RAB27B: variants seen among roughly 807,000 people sequenced by gnomAD.
RAB27B encodes the protein ras-related protein Rab-27B.
In RAB27B, 15 loss-of-function variants were observed where a neutral mutation model predicts 24.6. That is an observed-to-expected ratio of 0.61 (90% CI 0.41 to 0.94). RAB27B has a LOEUF of 0.94. Ranked by LOEUF, RAB27B falls within the 40% of genes least tolerant of loss-of-function variation. RAB27B has a pLI of 0.00. For missense variants in RAB27B, 261 were observed against 266.8 expected (o/e 0.98, Z 0.15); for synonymous variants, 105 against 92.5 (o/e 1.14, Z -0.78).
rs148619742 is a variant in RAB27B, at chr18:54,846,785, A to T, written c.-20+18085A>T. On this transcript the variant is annotated intron_variant, in intron 1 of 5. Transcript: ENST00000262094. ...AGTAACTTTATGCCACAAAGCACAT[A>T]ATGGCAATGTTTCTCATTGTAGTTT... 1.3e-4 allele frequency among the ~76,000 whole-genome samples: 20 copies of T among 152,312 alleles called. No individual in the cohort carries two copies. In the East Asian group the frequency reaches 3.9e-3, roughly 29 times the overall value.
At chr18:54,769,982 C>T (rs1908491125) in intron 2 of RAB27B, among the ~76,000 whole-genome samples, 2 of 152,154 alleles carry the variant, frequency 1.3e-5, no homozygotes, top group Non-Finnish European at 2.9e-5. Flanking sequence ...ATTCTCCTGC[C>T]TCAGCCTCCT....
At chr18:54,737,641 AAG>A (rs1909937795) in intron 2 of RAB27B, among the ~76,000 whole-genome samples, 1 of 152,192 alleles carries the variant, frequency 6.6e-6, no homozygotes, top group African/African-American at 2.4e-5. Flanking sequence ...GTGCCTGGCA[AAG>A]AGAGATGCTC....
chr18:54,748,611 T>C (rs1910330056), intron 2 of RAB27B, among the ~76,000 whole-genome samples: 1 of 152,130 alleles, frequency 6.6e-6, no homozygotes, highest in African/African-American at 2.4e-5. Flanking sequence ...GGACCCAACC[T>C]GGGTTGAGGC....
chr18:54,789,388 AATT>A (rs767595947), intron 2 of RAB27B, among the ~76,000 whole-genome samples: 117 of 152,290 alleles, frequency 7.7e-4, no homozygotes, highest in Middle Eastern at 3.4e-3. Context: ...TTTAAATAAC[AATT>A]ATTCCTTTTT....
At chr18:54,877,462 A>T (rs1362832554) in intron 1 of RAB27B, 105 bp from the exon 2 acceptor site, 3 of 869,340 alleles carry the variant, frequency 3.5e-6, no homozygotes, top group East Asian at 3.3e-5. Flanking sequence ...GAATAGAGGT[A>T]TTCAACTTTT....
At chr18:54,839,056 C>T (rs1044308403) in intron 1 of RAB27B, among the ~76,000 whole-genome samples, 4 of 151,980 alleles carry the variant, frequency 2.6e-5, no homozygotes, top group African/African-American at 9.7e-5. Flanking sequence ...GAAAAGAAGT[C>T]CTCCTACAAC....
intron 2 of RAB27B, among the ~76,000 whole-genome samples, chr18:54,817,569 T>G (rs1422134424): frequency 6.6e-6 from 1 of 152,140 alleles, no homozygotes; most frequent in East Asian, 1.9e-4. Flanking sequence ...TTGCAAGTAA[T>G]TTAGTAAATA....
chr18:54,726,408 A>G (rs1311359077), intron 2 of RAB27B, among the ~76,000 whole-genome samples: 1 of 151,554 alleles, frequency 6.6e-6, no homozygotes, highest in Non-Finnish European at 1.5e-5. Context: ...CCAAAAATTC[A>G]TGATGTTTAG....
chr18:54,894,261 G>C lies in RAB27B; in HGVS notation c.*4848G>C, dbSNP rs955285185. 2 of 151,730 alleles carry C rather than the reference G, an allele frequency of 1.3e-5. No individual in the cohort carries two copies. Among genetic ancestry groups the C allele is most frequent in the African/African-American group, 4.8e-5 (2 of 41,358 alleles). The allele number at this position is 151,730 out of a possible 1,614,324, so 9.4% of individuals were successfully genotyped here. A position where few individuals can be genotyped will look rare whatever the true frequency, so the allele number is the denominator to read the frequency against. ...TAGTGGAACTATTTTGTCATCTTTT[G>C]AGAAAAAAATATACAAAGAAGTCAT... is the stretch of plus-strand genomic sequence containing the variant. On this transcript the variant is annotated 3_prime_UTR_variant, in exon 6 of 6. Coordinates refer to ENST00000262094, the MANE Select transcript of RAB27B (RefSeq NM_004163.4).
chr18:54,720,714 AG>A (rs1457103298), intron 2 of RAB27B, among the ~76,000 whole-genome samples: 1 of 152,124 alleles, frequency 6.6e-6, no homozygotes, highest in Non-Finnish European at 1.5e-5. Flanking sequence ...AAATGCAATA[AG>A]TCATCCAGGG....
upstream of RAB27B, among the ~76,000 whole-genome samples, chr18:54,825,349 G>T (rs945686591): frequency 6.6e-6 from 1 of 152,038 alleles, no homozygotes; most frequent in Non-Finnish European, 1.5e-5. Flanking sequence ...TGAAACTTTC[G>T]ATCTCCAAAG....
intron 1 of RAB27B, among the ~76,000 whole-genome samples, chr18:54,857,187 A>G (rs1911817757): frequency 6.6e-6 from 1 of 152,166 alleles, no homozygotes; most frequent in South Asian, 2.1e-4. Context: ...GCCCAACCTC[A>G]TAAGGTCTCC....
intron 2 of RAB27B, among the ~76,000 whole-genome samples, chr18:54,728,916 A>AAC (rs1435766362): frequency 5.0e-4 from 73 of 145,862 alleles, no homozygotes; most frequent in African/African-American, 1.7e-3. Context: ...AAAAAAAAAA[A>AAC]AAAAAAACCA....
At chr18:54,841,610 T>C (rs1244757652) in intron 1 of RAB27B, among the ~76,000 whole-genome samples, 16 of 152,206 alleles carry the variant, frequency 1.1e-4, no homozygotes, top group Admixed American at 1.0e-3. Context: ...TGAGCATTTT[T>C]CCATCGAGAA....
At chr18:54,805,406 A>G (rs1265436900) in intron 2 of RAB27B, among the ~76,000 whole-genome samples, 1 of 152,176 alleles carries the variant, frequency 6.6e-6, no homozygotes, top group Non-Finnish European at 1.5e-5. Context: ...TTAAAACTTC[A>G]TACTTTCCTT....
intron 1 of RAB27B, among the ~76,000 whole-genome samples, chr18:54,875,671 C>G (rs1179925285): frequency 1.3e-5 from 2 of 151,880 alleles, no homozygotes; most frequent in Non-Finnish European, 2.9e-5. Flanking sequence ...TAAAAACATC[C>G]TACCTCAAAA....
rs192373715 is a variant in RAB27B, at chr18:54,820,932, T to A, written c.-19-56635T>A. Among the ~76,000 whole-genome samples, 142 of 152,320 alleles carry A rather than the reference T, an allele frequency of 9.3e-4. 1 individual carries two copies. The highest frequency in any genetic ancestry group is 3.0e-3 in the African/African-American group (123 of 41,580). ...GTCAAAGATCAGATGGTTGTAGATATGCGGCATTATTTCTGAGGGCTCTGT... is the reference window on the plus strand; with the variant it reads ...GTCAAAGATCAGATGGTTGTAGATAAGCGGCATTATTTCTGAGGGCTCTGT... On this transcript the variant is annotated intron_variant, in intron 2 of 4. Transcript: ENST00000586570.
chr18:54,758,648 A>AC (rs1168727672), intron 2 of RAB27B, among the ~76,000 whole-genome samples: 1 of 151,484 alleles, frequency 6.6e-6, no homozygotes, highest in Non-Finnish European at 1.5e-5. Context: ...AAAAAAAAAA[A>AC]AAGGAACAAC....
chr18:54,771,841 T>G (rs1908561514), intron 2 of RAB27B, among the ~76,000 whole-genome samples: 1 of 152,152 alleles, frequency 6.6e-6, no homozygotes. Context: ...CAAGCAGCCT[T>G]GGATACTGTG....
Sources: gnomAD v4.1 joint callset for allele counts (sites outside exome capture counted in the v4.1 genomes callset) on GRCh38, gnomAD v4.1.1 for gene constraint, MANE v1.5 for transcripts, NCBI Gene and HGNC (gene_info 2026-07-23, HGNC 2026-07-21) for gene names.